Variants in RTL4 observed in about 807,000 individuals in gnomAD.
RTL4 encodes the protein retrotransposon Gag-like protein 4.
In RTL4, 4 loss-of-function variants were observed where a neutral mutation model predicts 5.3. That is an observed-to-expected ratio of 0.75 (90% CI 0.37 to 1.72). The LOEUF is 1.72. Among genes scored for constraint, RTL4 ranks in the 40% most tolerant of loss-of-function variants. The pLI, the probability that RTL4 is intolerant of heterozygous loss-of-function variation, is 0.04. For missense variants in RTL4, 260 were observed against 227.1 expected (o/e 1.14, Z -0.93); for synonymous variants, 98 against 87.3 (o/e 1.12, Z -0.68).
At chrX:112,149,067 G>A in the RTL4 span, among the ~76,000 whole-genome samples, 1 of 111,364 alleles carries the variant, frequency 9.0e-6, no homozygotes, top group Non-Finnish European at 1.9e-5. Flanking sequence ...AAACAATTTA[G>A]TCATTTTTTT....
chrX:112,227,719 G>C, the RTL4 span, among the ~76,000 whole-genome samples: 1 of 111,766 alleles, frequency 8.9e-6, no homozygotes, highest in Non-Finnish European at 1.9e-5. Flanking sequence ...CGGTAATATC[G>C]AGTGAGATTC....
chrX:112,299,314 T>G, the RTL4 span, among the ~76,000 whole-genome samples: 1 of 112,472 alleles, frequency 8.9e-6, no homozygotes, highest in East Asian at 2.8e-4. Context: ...ATTTGTGTCA[T>G]GTACTGAAAA....
At chrX:112,286,761 C>T in the RTL4 span, among the ~76,000 whole-genome samples, 4 of 111,470 alleles carry the variant, frequency 3.6e-5, no homozygotes, top group African/African-American at 1.3e-4. Flanking sequence ...TATTGCTTCT[C>T]CCCACATAGA....
chrX:112,207,639 GTT>G, the RTL4 span, among the ~76,000 whole-genome samples: 7,523 of 91,110 alleles, frequency 0.083, 774 homozygotes, highest in African/African-American at 0.27. Flanking sequence ...TAGTGGCATT[GTT>G]TTTTTTTTTT....
chrX:112,329,563 C>T, the RTL4 span, among the ~76,000 whole-genome samples: 3 of 110,229 alleles, frequency 2.7e-5, no homozygotes, highest in East Asian at 8.6e-4. Flanking sequence ...GATTCACAGC[C>T]GAATTCTACC....
the RTL4 span, among the ~76,000 whole-genome samples, chrX:112,230,183 C>T: frequency 4.4e-5 from 5 of 112,637 alleles, no homozygotes; most frequent in East Asian, 2.8e-4. Flanking sequence ...CCACCCAGTT[C>T]GAGCTTCCCA....
chrX:112,326,150 G>A, the RTL4 span, among the ~76,000 whole-genome samples: 1 of 111,797 alleles, frequency 8.9e-6, no homozygotes, highest in Non-Finnish European at 1.9e-5. Context: ...GGAAACAGGA[G>A]CCAAGATGGC....
At chrX:112,083,865 G>T in the RTL4 span, among the ~76,000 whole-genome samples, 1 of 111,042 alleles carries the variant, frequency 9.0e-6, no homozygotes, top group Non-Finnish European at 1.9e-5. Context: ...ACCTGCAGGC[G>T]CATAGGTCCA....
At chrX:112,187,568 A>G in the RTL4 span, among the ~76,000 whole-genome samples, 1 of 111,680 alleles carries the variant, frequency 9.0e-6, no homozygotes, top group Non-Finnish European at 1.9e-5. Flanking sequence ...ACTGAATCAA[A>G]TTACCATGGG....
the RTL4 span, among the ~76,000 whole-genome samples, chrX:112,299,630 C>T: frequency 9.0e-6 from 1 of 111,678 alleles, no homozygotes; most frequent in African/African-American, 3.3e-5. Context: ...TTGCTCTCCC[C>T]CTTGGACTTT....
chrX:112,093,413 A>C, the RTL4 span, among the ~76,000 whole-genome samples: 5 of 111,573 alleles, frequency 4.5e-5, no homozygotes, highest in African/African-American at 1.3e-4. Flanking sequence ...TGAACTTCTC[A>C]TGTCATGTAA....
chrX:112,250,265 C>A, the RTL4 span, among the ~76,000 whole-genome samples: 1 of 105,247 alleles, frequency 9.5e-6, no homozygotes, highest in African/African-American at 3.5e-5. Context: ...GGTGACAGAG[C>A]GAGACTCTGT....
At chrX:112,310,568 T>TTTATATATAATATTTCTATATTATATA in the RTL4 span, among the ~76,000 whole-genome samples, 1 of 7,190 alleles carries the variant, frequency 1.4e-4, no homozygotes, top group Non-Finnish European at 2.3e-4. Context: ...ATTATATATA[T>TTTATATATAATATTTCTATATTATATA]TTATATATAA....
chrX:112,208,256 C>T, the RTL4 span, among the ~76,000 whole-genome samples: 333 of 111,753 alleles, frequency 3.0e-3, no homozygotes, highest in African/African-American at 9.9e-3. Context: ...GATGCTTAGA[C>T]AGATGATGAC....
chrX:112,152,454 T>G, the RTL4 span, among the ~76,000 whole-genome samples: 2 of 111,915 alleles, frequency 1.8e-5, no homozygotes, highest in Non-Finnish European at 3.8e-5. Context: ...TGTCTGTTTA[T>G]GTTCACCAAT....
chrX:112,123,066 G>A, the RTL4 span, among the ~76,000 whole-genome samples: 1 of 111,361 alleles, frequency 9.0e-6, no homozygotes, highest in Non-Finnish European at 1.9e-5. Context: ...AGCAGTTCAA[G>A]TTGCAATACA....
the RTL4 span, among the ~76,000 whole-genome samples, chrX:112,383,847 G>A: frequency 4.5e-5 from 5 of 111,440 alleles, no homozygotes; most frequent in Non-Finnish European, 5.7e-5. Flanking sequence ...TACTAGAGTG[G>A]GGCAAGGGTT....
chrX:112,163,105 A>G, the RTL4 span, among the ~76,000 whole-genome samples: 3 of 111,654 alleles, frequency 2.7e-5, no homozygotes, highest in Admixed American at 1.9e-4. Flanking sequence ...CAGGCAGTAG[A>G]TGTCACTGAT....
the RTL4 span, among the ~76,000 whole-genome samples, chrX:112,416,315 A>T: frequency 8.9e-6 from 1 of 112,053 alleles, no homozygotes; most frequent in African/African-American, 3.2e-5. Flanking sequence ...ACCAGGAGTT[A>T]GGACTTCAAT....
Sources: gnomAD v4.1 joint callset for allele counts (sites outside exome capture counted in the v4.1 genomes callset) on GRCh38, gnomAD v4.1.1 for gene constraint, MANE v1.5 for transcripts, NCBI Gene and HGNC (gene_info 2026-07-23, HGNC 2026-07-21) for gene names.